ZNF70: variants seen among roughly 807,000 people sequenced by gnomAD.
ZNF70 encodes zinc finger protein 70, also known as zinc finger protein N27C7-1.
Under a neutral mutation model 37.7 loss-of-function variants are expected in ZNF70, and 18 were observed. The observed-to-expected ratio is 0.48, with a 90% CI of 0.33 to 0.71. The LOEUF (loss-of-function observed/expected upper bound fraction) is 0.71. Ranked by LOEUF, ZNF70 falls within the 30% of genes least tolerant of loss-of-function variation. The probability of loss-of-function intolerance (pLI) is 0.02; values close to 1 mark genes in which losing one functional copy is unlikely to be tolerated. For missense variants in ZNF70, 506 were observed against 568.6 expected (o/e 0.89, Z 1.12); for synonymous variants, 219 against 220.1 (o/e 0.99, Z 0.05).
chr22:23,745,253 C>T (rs894113291), intron 1 of ZNF70, 34 bp from the exon 2 acceptor site: 2 of 1,180,862 alleles, frequency 1.7e-6, no homozygotes, highest in African/African-American at 3.1e-5. Context: ...GTCAAGTCAG[C>T]AAGTCAAGCA....
intron 1 of ZNF70, among the ~76,000 whole-genome samples, chr22:23,749,046 C>T (rs1181111945): frequency 6.6e-6 from 1 of 151,730 alleles, no homozygotes; most frequent in East Asian, 1.9e-4. Context: ...CTGGCTAACA[C>T]GGTGAAACCC....
chr22:23,750,225 T>G (rs1413451065), intron 1 of ZNF70, among the ~76,000 whole-genome samples: 1 of 152,132 alleles, frequency 6.6e-6, no homozygotes, highest in Non-Finnish European at 1.5e-5. Context: ...CTCAAAACCC[T>G]TCATTTCAGA....
In ZNF70 at chr22:23,743,719, G is replaced by C; in HGVS notation, c.*81C>G. On this transcript the variant is annotated 3_prime_UTR_variant, in exon 2 of 2. Transcript: ENST00000341976. ...GTTTCCATTCAGCATCAGGGAGGTAGGTGGGGTCTTGGAGACCACGCGACG... is the reference window on the plus strand; with the variant it reads ...GTTTCCATTCAGCATCAGGGAGGTACGTGGGGTCTTGGAGACCACGCGACG... 6.6e-7 allele frequency: 1 copy of C among 1,518,410 alleles called. No individual in the cohort carries two copies. The highest frequency in any genetic ancestry group is 2.3e-5 in the East Asian group (1 of 44,308). 94.1% of individuals were successfully genotyped at this position (1,518,410 alleles called of 1,614,324 possible). A position where few individuals can be genotyped will look rare whatever the true frequency, so the allele number is the denominator to read the frequency against.
chr22:23,744,685 G>A lies in ZNF70; in HGVS notation c.456C>T (p.Ser152=). ...TCACCAGGTGTCGGAGCAGGTGCGAGCTCTGGCTGAAGGCCTTCCCACACT... is the reference window on the plus strand; with the variant it reads ...TCACCAGGTGTCGGAGCAGGTGCGAACTCTGGCTGAAGGCCTTCCCACACT... ...CRECGKAFSQ[S]SHLLRHLVIH... The change falls in exon 2 of 2, where the codon AGC becomes AGT. Residue 152 remains serine (S), a synonymous_variant. Coordinates refer to ENST00000341976, the MANE Select transcript of ZNF70 (RefSeq NM_021916.4). The A allele has an allele frequency of 6.2e-7, 1 of 1,613,468 alleles. No individual in the cohort carries two copies. Among genetic ancestry groups the A allele is most frequent in the Non-Finnish European group, 8.5e-7 (1 of 1,179,794 alleles).
intron 1 of ZNF70, among the ~76,000 whole-genome samples, chr22:23,747,898 G>A (rs1925184766): frequency 6.6e-6 from 1 of 151,984 alleles, no homozygotes; most frequent in Non-Finnish European, 1.5e-5. Context: ...TTGAAGGAGG[G>A]CGCGTTAGCA....
chr22:23,740,090 C>T lies in ZNF70; in HGVS notation c.*3710G>A, dbSNP rs1346257190. The T allele has an allele frequency of 3.3e-5, 5 of 151,486 alleles. No individual in the cohort carries two copies. Among genetic ancestry groups the T allele is most frequent in the Admixed American group, 6.6e-5 (1 of 15,218 alleles). The allele number at this position is 151,486 out of a possible 1,614,324, so 9.4% of individuals were successfully genotyped here. On this transcript the variant is annotated 3_prime_UTR_variant, in exon 2 of 2. Coordinates refer to ENST00000341976, the MANE Select transcript of ZNF70 (RefSeq NM_021916.4). ...CTTTGGGAGGCCGAGGCGGGCGGAT[C>T]ACGAGCTCAGGAGATAGATACCATC...
Position 23,742,182 on chromosome 22 carries a change from A to T in ZNF70, c.*1618T>A, listed in dbSNP as rs1378062745. On this transcript the variant is annotated 3_prime_UTR_variant, in exon 2 of 2. Coordinates refer to ENST00000341976, the MANE Select transcript of ZNF70 (RefSeq NM_021916.4). The stretch of plus-strand genomic sequence containing the variant: ...GGAATCGCTTGAACCCAGGAGGCAG[A>T]GCTTGCAGTAAGCCAAGATCACGCC... 6.6e-6 allele frequency: 1 copy of T among 152,300 alleles called. No individual in the cohort carries two copies. The highest frequency in any genetic ancestry group is 1.5e-5 in the Non-Finnish European group (1 of 68,190). The allele number at this position is 152,300 out of a possible 1,614,324, so 9.4% of individuals were successfully genotyped here. A position where few individuals can be genotyped will look rare whatever the true frequency, so the allele number is the denominator to read the frequency against.
Position 23,741,890 on chromosome 22 carries a change from G to A in ZNF70, c.*1910C>T, listed in dbSNP as rs1924885572. ...GGGAGTGAGGGCACTGAGACAGAAT[G>A]GCCTTCAAGCTCTGCTCAGCCAAAG... On this transcript the variant is annotated 3_prime_UTR_variant, in exon 2 of 2. Transcript: ENST00000341976. 6.6e-6 allele frequency: 1 copy of A among 152,300 alleles called. No homozygotes were observed. The highest frequency in any genetic ancestry group is 1.5e-5 in the Non-Finnish European group (1 of 68,100). The allele number at this position is 152,300 out of a possible 1,614,324, so 9.4% of individuals were successfully genotyped here.
At position 23,738,976 on chromosome 22, in the gene ZNF70, G is replaced by A. The variant is rs1359368983; in HGVS notation, c.*4824C>T. 1 of 152,142 alleles carries A rather than the reference G, an allele frequency of 6.6e-6. No individual in the cohort carries two copies. Among genetic ancestry groups the A allele is most frequent in the Non-Finnish European group, 1.5e-5 (1 of 68,034 alleles). 9.4% of individuals were successfully genotyped at this position (152,142 alleles called of 1,614,324 possible). A position where few individuals can be genotyped will look rare whatever the true frequency, so the allele number is the denominator to read the frequency against. On this transcript the variant is annotated 3_prime_UTR_variant, in exon 2 of 2. Transcript: ENST00000341976. ...AGCTTTGTTCGATCCCTAGGGGTCT[G>A]CAACTCCTAAACCCCTACATGCTAA...
At chr22:23,747,189 C>A (rs892080092) in intron 1 of ZNF70, among the ~76,000 whole-genome samples, 1 of 152,134 alleles carries the variant, frequency 6.6e-6, no homozygotes, top group Non-Finnish European at 1.5e-5. Context: ...GGTCCCCAAC[C>A]CCCAGAGTGG....
In ZNF70 at chr22:23,744,757, G is replaced by A. The variant is rs115780435; in HGVS notation, c.384C>T (p.Asn128=). 2,261 of 1,614,222 alleles carry A rather than the reference G, an allele frequency of 1.4e-3. 15 individuals carry two copies. The African/African-American group carries it at 0.019, about 14-fold the overall frequency. ...CTGGTTGTGGGGTTCTGTGAGGTGCGTTAGGTCCTGAGTCCCCTCTGTCTG... is the reference window on the plus strand; with the variant it reads ...CTGGTTGTGGGGTTCTGTGAGGTGCATTAGGTCCTGAGTCCCCTCTGTCTG... ...AETDRGDSGP[N]APHRTPQPAK... is the part of the protein sequence containing the mutation. The change falls in exon 2 of 2, where the codon AAC becomes AAT. Residue 128 remains asparagine (N), a synonymous_variant. Transcript: ENST00000341976.
chr22:23,744,865 T>C lies in ZNF70; in HGVS notation c.276A>G (p.Gly92=), dbSNP rs757430883. The C allele has an allele frequency of 6.2e-7, 1 of 1,614,202 alleles. No homozygotes were observed. Among genetic ancestry groups the C allele is most frequent in the South Asian group, 1.1e-5 (1 of 91,080 alleles). The change falls in exon 2 of 2, where the codon GGA becomes GGG. Residue 92 remains glycine (G), a synonymous_variant. Transcript: ENST00000341976. ...GTRPQDDELF[G]QTFLQKSDLS... Reference sequence around the variant, plus strand: ...GGTCGGATTTCTGGAGGAAGGTTTGTCCGAAGAGCTCATCATCCTGGGGTC... The same window carrying C: ...GGTCGGATTTCTGGAGGAAGGTTTGCCCGAAGAGCTCATCATCCTGGGGTC...
At chr22:23,749,296 C>A (rs1925239619) in intron 1 of ZNF70, among the ~76,000 whole-genome samples, 1 of 135,486 alleles carries the variant, frequency 7.4e-6, no homozygotes, top group Non-Finnish European at 1.5e-5. Flanking sequence ...TTGCAGTGAG[C>A]CGAGATCGCG....
chr22:23,746,804 C>A (rs1215064507), intron 1 of ZNF70, among the ~76,000 whole-genome samples: 1 of 152,150 alleles, frequency 6.6e-6, no homozygotes, highest in African/African-American at 2.4e-5. Context: ...ATTGCCCAGG[C>A]TGGTCCCCCC....
Position 23,738,885 on chromosome 22 carries a change from G to C in ZNF70, c.*4915C>G, listed in dbSNP as rs541883900. On this transcript the variant is annotated 3_prime_UTR_variant, in exon 2 of 2. Coordinates refer to ENST00000341976, the MANE Select transcript of ZNF70 (RefSeq NM_021916.4). ...TTCTGAACTGCTTTGGTGTCACAGA[G>C]GCATTTAAAAATATAGTAAATACTA... 2.6e-5 allele frequency: 4 copies of C among 152,186 alleles called. No homozygotes were observed. Among genetic ancestry groups the C allele is most frequent in the Middle Eastern group, 6.8e-3 (2 of 294 alleles). The allele number at this position is 152,186 out of a possible 1,614,324, so 9.4% of individuals were successfully genotyped here. A position where few individuals can be genotyped will look rare whatever the true frequency, so the allele number is the denominator to read the frequency against.
chr22:23,746,209 T>A lies in ZNF70; in HGVS notation c.-79-990A>T, dbSNP rs868341488. On this transcript the variant is annotated intron_variant, in intron 1 of 1. Transcript: ENST00000341976. ...CTGATTATGGTGGTTCCCTTTTTTT[T>A]TTTTTTTTTTTTTTTGAGATGGAGT... Among the ~76,000 whole-genome samples the A allele has an allele frequency of 4.2e-3, 615 of 147,732 alleles. 10 individuals are homozygous for A. In the South Asian group the frequency reaches 0.043, roughly 10 times the overall value.
chr22:23,742,520 C>T lies in ZNF70; in HGVS notation c.*1280G>A, dbSNP rs1924908054. On this transcript the variant is annotated 3_prime_UTR_variant, in exon 2 of 2. Coordinates refer to ENST00000341976, the MANE Select transcript of ZNF70 (RefSeq NM_021916.4). Reference sequence around the variant, plus strand: ...GTCCTTGTGTGGGACACTGCATCCGCAGGCATACACAGCCCAGGCTGCAAG... The same window carrying T: ...GTCCTTGTGTGGGACACTGCATCCGTAGGCATACACAGCCCAGGCTGCAAG... 1 of 152,302 alleles carries T rather than the reference C, an allele frequency of 6.6e-6. No homozygotes were observed. Among genetic ancestry groups the T allele is most frequent in the Non-Finnish European group, 1.5e-5 (1 of 68,068 alleles). The allele number at this position is 152,302 out of a possible 1,614,324, so 9.4% of individuals were successfully genotyped here. A position where few individuals can be genotyped will look rare whatever the true frequency, so the allele number is the denominator to read the frequency against.
chr22:23,743,629 G>C lies in ZNF70; in HGVS notation c.*171C>G. On this transcript the variant is annotated 3_prime_UTR_variant, in exon 2 of 2. Coordinates refer to ENST00000341976, the MANE Select transcript of ZNF70 (RefSeq NM_021916.4). ...CAGAAAACCTGCTGAGAGCTGGCGT[G>C]CTTGGCCCAGGGCCACACAGGGCCT... is the stretch of plus-strand genomic sequence containing the variant. The C allele has an allele frequency of 1.1e-6, 1 of 924,914 alleles. No homozygotes were observed. Among genetic ancestry groups the C allele is most frequent in the Non-Finnish European group, 1.6e-6 (1 of 622,766 alleles). The allele number at this position is 924,914 out of a possible 1,614,324, so 57.3% of individuals were successfully genotyped here. A position where few individuals can be genotyped will look rare whatever the true frequency, so the allele number is the denominator to read the frequency against.
chr22:23,744,266 C>T lies in ZNF70; in HGVS notation c.875G>A (p.Arg292Lys). ...CDLCGKAFCH[R>K]SHLIRHQRIH... ...CCGCTGGTGTCGGATGAGGTGTGACCTGTGACAAAAGGCTTTCCCACAGAG... is the reference window on the plus strand; with the variant it reads ...CCGCTGGTGTCGGATGAGGTGTGACTTGTGACAAAAGGCTTTCCCACAGAG... Residue 292 changes from arginine (R) to lysine (K), a missense_variant, in exon 2 of 2, where the codon AGG (arginine) becomes AAG (lysine). Arg to Lys is a conservative substitution (Grantham distance 26). Transcript: ENST00000341976. 6.2e-7 allele frequency: 1 copy of T among 1,613,070 alleles called. No individual in the cohort carries two copies. The highest frequency in any genetic ancestry group is 1.1e-5 in the South Asian group (1 of 91,028).
Sources: gnomAD v4.1 joint callset for allele counts (sites outside exome capture counted in the v4.1 genomes callset) on GRCh38, gnomAD v4.1.1 for gene constraint, MANE v1.5 for transcripts, NCBI Gene and HGNC (gene_info 2026-07-23, HGNC 2026-07-21) for gene names.